NAALADL2: variants seen among roughly 807,000 people sequenced by gnomAD.
NAALADL2 encodes inactive N-acetylated-alpha-linked acidic dipeptidase-like protein 2.
NAALADL2 carries 76 observed loss-of-function variants against 87.2 expected under a neutral mutation model. The ratio of observed to expected loss-of-function variants is 0.87; its 90% confidence interval spans 0.72 to 1.05. The LOEUF (loss-of-function observed/expected upper bound fraction) is 1.05. Among genes scored for constraint, NAALADL2 ranks in the 50% least tolerant of loss-of-function variants. The pLI, the probability that NAALADL2 is intolerant of heterozygous loss-of-function variation, is 0.00. For missense variants in NAALADL2, 1,089 were observed against 945.8 expected, an observed-to-expected ratio of 1.15 and a Z score of -1.99; for synonymous variants, 354 against 331.0, an observed-to-expected ratio of 1.07 and a Z score of -0.75.
chr3:174,810,831 A>T (rs1384364232), intron 3 of NAALADL2, among the ~76,000 whole-genome samples: 1 of 152,148 alleles, frequency 6.6e-6, no homozygotes, highest in East Asian at 1.9e-4. Context: ...ACAGAACTTC[A>T]TGGCTACTCC....
At chr3:174,777,345 A>G (rs1207774843) in intron 3 of NAALADL2, among the ~76,000 whole-genome samples, 1 of 152,160 alleles carries the variant, frequency 6.6e-6, no homozygotes, top group Non-Finnish European at 1.5e-5. Context: ...AGTCATGAAA[A>G]TTATAAGTAA....
intron 10 of NAALADL2, among the ~76,000 whole-genome samples, chr3:175,582,030 T>G (rs1719857272): frequency 6.6e-6 from 1 of 152,168 alleles, no homozygotes; most frequent in Admixed American, 6.5e-5. Context: ...GAATTCTGCT[T>G]CTTAAAGGCA....
chr3:175,651,769 G>T (rs1291757127), intron 11 of NAALADL2, among the ~76,000 whole-genome samples: 1 of 152,100 alleles, frequency 6.6e-6, no homozygotes, highest in Admixed American at 6.5e-5. Flanking sequence ...GCAGGGTTTT[G>T]TTTATCACAC....
chr3:175,127,274 T>TTA (rs1727113449), intron 2 of NAALADL2, among the ~76,000 whole-genome samples: 1 of 152,182 alleles, frequency 6.6e-6, no homozygotes, highest in East Asian at 1.9e-4. Flanking sequence ...AGGTCATAGA[T>TTA]TATATCCCAG....
intron 2 of NAALADL2, among the ~76,000 whole-genome samples, chr3:174,589,083 C>G (rs905305121): frequency 1.3e-5 from 2 of 152,158 alleles, no homozygotes; most frequent in Non-Finnish European, 1.5e-5. Context: ...ATGGCGGACA[C>G]CCCTCCCCCA....
chr3:175,636,019 A>G (rs1226015652), intron 11 of NAALADL2, among the ~76,000 whole-genome samples: 1 of 152,200 alleles, frequency 6.6e-6, no homozygotes, highest in Non-Finnish European at 1.5e-5. Context: ...TTTAATGTAG[A>G]TATTAAAGAG....
At chr3:174,838,048 A>C (rs1350024718) in intron 3 of NAALADL2, among the ~76,000 whole-genome samples, 4 of 151,152 alleles carry the variant, frequency 2.6e-5, no homozygotes, top group Admixed American at 6.6e-5. Flanking sequence ...AAAAAAAAAA[A>C]ACTACAGACC....
chr3:174,781,887 G>A (rs1489829743), intron 3 of NAALADL2, among the ~76,000 whole-genome samples: 2 of 152,038 alleles, frequency 1.3e-5, no homozygotes, highest in African/African-American at 4.8e-5. Context: ...GTCTTTGCAA[G>A]ATGAAATGGG....
intron 9 of NAALADL2, among the ~76,000 whole-genome samples, chr3:175,565,591 TCCCAA>T (rs1409750529): frequency 2.0e-5 from 3 of 150,872 alleles, no homozygotes; most frequent in South Asian, 4.2e-4. Context: ...TGTTGTCCAT[TCCCAA>T]AACCTCTGTA....
chr3:175,285,719 CTATCTA>C (rs1048216448), intron 4 of NAALADL2, among the ~76,000 whole-genome samples: 2 of 152,090 alleles, frequency 1.3e-5, no homozygotes, highest in African/African-American at 4.8e-5. Flanking sequence ...ATAAACCGTG[CTATCTA>C]TATCTATATT....
rs1004632521 is a variant in NAALADL2, at chr3:175,031,366, G to A, written c.44-65424G>A. Among the ~76,000 whole-genome samples, 4 of 152,024 alleles carry A rather than the reference G, an allele frequency of 2.6e-5. No individual in the cohort carries two copies. In the South Asian group the frequency reaches 8.3e-4, roughly 32 times the overall value. Reference sequence around the variant, plus strand: ...ATGTTTAGCTCCTACTTATAAGTGAGAGCATGTGGTACCTGTTTCTGCATT... The same window carrying A: ...ATGTTTAGCTCCTACTTATAAGTGAAAGCATGTGGTACCTGTTTCTGCATT... On this transcript the variant is annotated intron_variant, in intron 1 of 13. Coordinates refer to ENST00000454872, the MANE Select transcript of NAALADL2 (RefSeq NM_207015.3).
chr3:175,673,977 A>G (rs1359331771), intron 11 of NAALADL2, among the ~76,000 whole-genome samples: 1 of 152,040 alleles, frequency 6.6e-6, no homozygotes, highest in Non-Finnish European at 1.5e-5. Flanking sequence ...ATTGTAAGAT[A>G]CATTGGTTTT....
At chr3:175,040,019 G>A (rs147851898) in intron 1 of NAALADL2, among the ~76,000 whole-genome samples, 1,580 of 151,990 alleles carry the variant, frequency 0.01, 26 homozygotes, top group African/African-American at 0.036. Context: ...ATACACATGC[G>A]CACAGGCATA....
chr3:175,271,242 TC>T (rs1342422062), intron 4 of NAALADL2: 1 of 152,180 alleles, frequency 6.6e-6, no homozygotes, highest in Non-Finnish European at 1.5e-5. Context: ...AATAATTTTT[TC>T]CCAAGCATTG....
chr3:174,970,470 C>G (rs1743470732), intron 1 of NAALADL2, among the ~76,000 whole-genome samples: 1 of 152,128 alleles, frequency 6.6e-6, no homozygotes, highest in African/African-American at 2.4e-5. Flanking sequence ...CCAAGATGAT[C>G]AACTTCTCAT....
intron 1 of NAALADL2, among the ~76,000 whole-genome samples, chr3:175,023,588 G>C (rs1196020807): frequency 1.3e-5 from 2 of 151,950 alleles, no homozygotes; most frequent in Non-Finnish European, 2.9e-5. Context: ...AAAAATTCTA[G>C]AAATACTTTA....
intron 2 of NAALADL2, among the ~76,000 whole-genome samples, chr3:175,207,002 T>C (rs1340447287): frequency 2.6e-5 from 4 of 152,164 alleles, no homozygotes; most frequent in Non-Finnish European, 5.9e-5. Context: ...ACACTGGAGA[T>C]ACACACAGAA....
chr3:175,687,183 A>T (rs1736410477), intron 11 of NAALADL2, among the ~76,000 whole-genome samples: 1 of 152,160 alleles, frequency 6.6e-6, no homozygotes, highest in Non-Finnish European at 1.5e-5. Context: ...TCTGATATAA[A>T]TTTTTATAAA....
intron 3 of NAALADL2, among the ~76,000 whole-genome samples, chr3:174,818,986 G>A (rs1009767474): frequency 6.7e-6 from 1 of 149,286 alleles, no homozygotes; most frequent in African/African-American, 2.5e-5. Context: ...TTAAAAAAGT[G>A]CCACTGAGTT....
Sources: gnomAD v4.1 joint callset for allele counts (sites outside exome capture counted in the v4.1 genomes callset) on GRCh38, gnomAD v4.1.1 for gene constraint, MANE v1.5 for transcripts, NCBI Gene and HGNC (gene_info 2026-07-23, HGNC 2026-07-21) for gene names.